ERBIN: variants seen among roughly 807,000 people sequenced by gnomAD.
ERBIN encodes the protein erbb2 interacting protein.
A neutral mutation model predicts 158.4 loss-of-function variants in ERBIN; 60 were observed. That is an observed-to-expected ratio of 0.38 (90% CI 0.31 to 0.47). The LOEUF is 0.47. Among genes scored for constraint, ERBIN ranks in the 20% least tolerant of loss-of-function variants. The pLI is 0.99. For missense variants in ERBIN, 1,610 were observed against 1,648.0 expected (o/e 0.98, Z 0.40); for synonymous variants, 594 against 557.2 (o/e 1.07, Z -0.93).
chr5:65,955,803 A>C (rs139345305), intron 1 of ERBIN, among the ~76,000 whole-genome samples: 1 of 152,234 alleles, frequency 6.6e-6, no homozygotes, highest in Non-Finnish European at 1.5e-5. Flanking sequence ...CCCACAGTCA[A>C]CTACAGTCCA....
intron 1 of ERBIN, among the ~76,000 whole-genome samples, chr5:65,945,458 T>G (rs1290745019): frequency 3.9e-5 from 6 of 152,248 alleles, no homozygotes; most frequent in Non-Finnish European, 8.8e-5. Flanking sequence ...ATAAATTTGT[T>G]CATCCAGGAT....
intron 1 of ERBIN, among the ~76,000 whole-genome samples, chr5:65,958,004 C>T (rs1351837155): frequency 6.6e-6 from 1 of 150,816 alleles, no homozygotes; most frequent in Non-Finnish European, 1.5e-5. Context: ...GGCAGAGGCG[C>T]TCCTCACATC....
intron 1 of ERBIN, among the ~76,000 whole-genome samples, chr5:65,929,212 C>A (rs753220296): frequency 6.6e-6 from 1 of 152,118 alleles, no homozygotes; most frequent in Non-Finnish European, 1.5e-5. Flanking sequence ...ATTGGCAAAT[C>A]TCAAAAATCG....
At position 66,043,382 on chromosome 5, in the gene ERBIN, CTA is replaced by C. The variant is rs1758106484; in HGVS notation, c.1428+186_1428+187del. On this transcript the variant is annotated intron_variant, in intron 16 of 25. Transcript: ENST00000284037. ...GAAAGAATTTGGGAACAATATAAAA[CTA>C]TGTGATTTAAAGCTAAATTTCATAG... 2.0e-5 allele frequency among the ~76,000 whole-genome samples: 3 copies of C among 152,134 alleles called. No homozygotes were observed. The South Asian group carries it at 6.2e-4, about 32-fold the overall frequency.
In ERBIN at chr5:65,946,681, A is replaced by T. The variant is rs1194621204; in HGVS notation, c.-58+19875A>T. 3.3e-5 allele frequency among the ~76,000 whole-genome samples: 5 copies of T among 152,200 alleles called. 1 individual carries two copies. Among genetic ancestry groups the T allele is most frequent in the Admixed American group, 2.0e-4 (3 of 15,274 alleles). On this transcript the variant is annotated intron_variant, in intron 1 of 25. Coordinates refer to ENST00000284037, the MANE Select transcript of ERBIN (RefSeq NM_001253697.2). ...ATGATTGCTGCGGTGTATCGGATAGAAACTGCCAAAGAGTGTTTTCCATAG... is the reference window on the plus strand; with the variant it reads ...ATGATTGCTGCGGTGTATCGGATAGTAACTGCCAAAGAGTGTTTTCCATAG...
chr5:66,026,311 T>C lies in ERBIN; in HGVS notation c.1030T>C (p.Trp344Arg), dbSNP rs2151155040. The change falls in exon 13 of 26, where the codon TGG (tryptophan) becomes CGG (arginine). Residue 344 changes from tryptophan to arginine, a missense_variant. Physicochemically the swap from Trp to Arg is moderately radical, Grantham distance 101. Coordinates refer to ENST00000284037, the MANE Select transcript of ERBIN (RefSeq NM_001253697.2). ...TATATTTCTCTTTCAGATTGGAAGCTGGAAAAATATAACTGTGCTGTTTCT... is the reference window on the plus strand; with the variant it reads ...TATATTTCTCTTTCAGATTGGAAGCCGGAAAAATATAACTGTGCTGTTTCT... Reference protein sequence around the residue: ...LQQLPPEIGSWKNITVLFLHS... With the variant: ...LQQLPPEIGSRKNITVLFLHS... 1 of 1,578,986 alleles carries C rather than the reference T, an allele frequency of 6.3e-7. No individual in the cohort carries two copies. Among genetic ancestry groups the C allele is most frequent in the South Asian group, 1.2e-5 (1 of 84,850 alleles).
intron 1 of ERBIN, among the ~76,000 whole-genome samples, chr5:65,972,952 C>T (rs886733306): frequency 2.0e-5 from 3 of 151,186 alleles, no homozygotes; most frequent in African/African-American, 4.9e-5. Flanking sequence ...ACGTTTTTTT[C>T]GGTTTCCTTT....
At chr5:65,933,126 A>T (rs574498045) in intron 1 of ERBIN, among the ~76,000 whole-genome samples, 7 of 152,290 alleles carry the variant, frequency 4.6e-5, no homozygotes, top group Admixed American at 4.6e-4. Context: ...TTTGGTCTGC[A>T]TGTAACCTTT....
intron 1 of ERBIN, among the ~76,000 whole-genome samples, chr5:65,963,756 G>T (rs923661824): frequency 4.0e-5 from 6 of 151,026 alleles, no homozygotes; most frequent in Non-Finnish European, 8.8e-5. Context: ...TTTTATAAGT[G>T]ATTTGCGTTT....
chr5:65,991,221 T>C (rs1329934298), intron 2 of ERBIN, among the ~76,000 whole-genome samples: 1 of 152,254 alleles, frequency 6.6e-6, no homozygotes, highest in Non-Finnish European at 1.5e-5. Context: ...AGATCCTGTC[T>C]GTATTTTAAC....
chr5:66,072,029 A>G, intron 21 of ERBIN, 140 bp from the exon 22 acceptor site: 2 of 715,886 alleles, frequency 2.8e-6, no homozygotes, highest in Non-Finnish European at 4.5e-6. Flanking sequence ...TGATGGCAGT[A>G]ATGATGGCAG....
At chr5:66,000,497 A>G (rs1752913236) in intron 4 of ERBIN, among the ~76,000 whole-genome samples, 1 of 152,114 alleles carries the variant, frequency 6.6e-6, no homozygotes, top group Admixed American at 6.5e-5. Flanking sequence ...TTAAACAATT[A>G]TTTCAACCTG....
chr5:66,031,876 T>C (rs571879298), intron 14 of ERBIN, among the ~76,000 whole-genome samples: 69 of 152,258 alleles, frequency 4.5e-4, no homozygotes, highest in African/African-American at 1.6e-3. Context: ...GATTTTTGTC[T>C]ATTTTTTACC....
chr5:66,021,437 C>A, intron 8 of ERBIN, 52 bp downstream of exon 8: 2 of 1,262,956 alleles, frequency 1.6e-6, no homozygotes, highest in East Asian at 2.4e-5. Context: ...TAATGAAGAA[C>A]AAAATATGAA....
At chr5:66,073,714 A>G (rs1761728780) in intron 22 of ERBIN, among the ~76,000 whole-genome samples, 1 of 152,114 alleles carries the variant, frequency 6.6e-6, no homozygotes, top group Non-Finnish European at 1.5e-5. Context: ...TAATTTAGGG[A>G]ACTGGACCTC....
intron 17 of ERBIN, among the ~76,000 whole-genome samples, chr5:66,044,788 G>T (rs896434604): frequency 6.6e-6 from 1 of 151,070 alleles, no homozygotes; most frequent in Non-Finnish European, 1.5e-5. Context: ...AAGAGTATAA[G>T]GGAGATGGCT....
At chr5:66,008,856 C>T (rs1753892439) in intron 4 of ERBIN, among the ~76,000 whole-genome samples, 1 of 152,158 alleles carries the variant, frequency 6.6e-6, no homozygotes, top group Non-Finnish European at 1.5e-5. Context: ...TGTACCACAA[C>T]CAAATCCATT....
At chr5:66,043,234 A>G (rs564789692) in intron 16 of ERBIN, 36 bp downstream of exon 16, 1 of 1,601,964 alleles carries the variant, frequency 6.2e-7, no homozygotes, top group Admixed American at 1.7e-5. Flanking sequence ...ATTTGAAACA[A>G]GTCTGCTGAT....
chr5:66,026,182 A>G, intron 12 of ERBIN, 120 bp from the exon 13 acceptor site: 1 of 711,902 alleles, frequency 1.4e-6, no homozygotes, highest in Non-Finnish European at 2.2e-6. Flanking sequence ...AAGAAAGTCT[A>G]GTCATTATTT....
Sources: gnomAD v4.1 joint callset for allele counts (sites outside exome capture counted in the v4.1 genomes callset) on GRCh38, gnomAD v4.1.1 for gene constraint, MANE v1.5 for transcripts, NCBI Gene and HGNC (gene_info 2026-07-23, HGNC 2026-07-21) for gene names.